Variants in CYFIP2 observed in about 807,000 individuals in gnomAD.
CYFIP2 encodes the protein cytoplasmic FMR1 interacting protein 2, also known as cytoplasmic FMR1-interacting protein 2.
A neutral mutation model predicts 158.7 loss-of-function variants in CYFIP2; 29 were observed. The ratio of observed to expected loss-of-function variants is 0.18; its 90% CI spans 0.14 to 0.25. CYFIP2 has a LOEUF of 0.25. Among genes scored for constraint, CYFIP2 ranks in the 10% least tolerant of loss-of-function variants. CYFIP2 has a pLI of 1.00. For synonymous variants in CYFIP2, 585 were observed against 617.6 expected (o/e 0.95, Z 0.78); for missense variants, 852 against 1,639.5 (o/e 0.52, Z 8.29).
chr5:157,356,874 C>T (rs569794689), intron 23 of CYFIP2, among the ~76,000 whole-genome samples: 15 of 152,090 alleles, frequency 9.9e-5, no homozygotes, highest in Non-Finnish European at 1.9e-4. Flanking sequence ...ATGGCCTGGC[C>T]CCACGGTTAG....
chr5:157,366,810 C>T (rs768121540), intron 26 of CYFIP2, among the ~76,000 whole-genome samples: 1 of 152,148 alleles, frequency 6.6e-6, no homozygotes, highest in Non-Finnish European at 1.5e-5. Context: ...CCTGGGAAAT[C>T]AGAAAGTGGT....
chr5:157,372,249 T>G (rs1260167724), intron 26 of CYFIP2, among the ~76,000 whole-genome samples: 1 of 152,214 alleles, frequency 6.6e-6, no homozygotes, highest in African/African-American at 2.4e-5. Context: ...ATCACAATTC[T>G]GAGGTTGCAC....
At chr5:157,270,412 T>C (rs1755994695) in intron 1 of CYFIP2, among the ~76,000 whole-genome samples, 1 of 152,172 alleles carries the variant, frequency 6.6e-6, no homozygotes, top group South Asian at 2.1e-4. Context: ...AGAAATAAAC[T>C]GGGGAAGAAT....
chr5:157,320,904 G>T (rs181799797), intron 15 of CYFIP2, 102 bp downstream of exon 15: 49 of 1,377,852 alleles, frequency 3.6e-5, no homozygotes, highest in Non-Finnish European at 4.2e-5. Context: ...GGGAGCCGTC[G>T]GTCAGGAGGG....
chr5:157,311,516 C>G lies in CYFIP2; in HGVS notation c.993-148C>G, dbSNP rs1466396497. 6.2e-6 allele frequency: 4 copies of G among 648,980 alleles called. No homozygotes were observed. Among genetic ancestry groups the G allele is most frequent in the Non-Finnish European group, 1.1e-5 (4 of 365,024 alleles). 40.2% of individuals were successfully genotyped at this position (648,980 alleles called of 1,614,324 possible). A position where few individuals can be genotyped will look rare whatever the true frequency, so the allele number is the denominator to read the frequency against. On this transcript the variant is annotated intron_variant, in intron 10 of 30. Transcript: ENST00000620254. This position sits in a 1 kb window ranked among gnomAD's most constrained non-coding sequence, Gnocchi z 4.7. ...GAAGCTCCCACAGTGTTGGACTTAG[C>G]AGGCTTTCTTGCTGAGGCGGCTGGG...
chr5:157,296,526 T>A, intron 4 of CYFIP2, 147 bp from the exon 5 acceptor site: 1 of 710,056 alleles, frequency 1.4e-6, no homozygotes, highest in Admixed American at 2.1e-5. Flanking sequence ...CCTGGGAGGT[T>A]GAGGTTTCAG....
chr5:157,319,503 T>C (rs1760419065), intron 13 of CYFIP2, among the ~76,000 whole-genome samples: 1 of 152,252 alleles, frequency 6.6e-6, no homozygotes, highest in Admixed American at 6.5e-5. Flanking sequence ...TGAAAATCAG[T>C]TGCATTGCGA....
At chr5:157,323,067 G>A (rs1371795503) in intron 15 of CYFIP2, 2 of 1,505,502 alleles carry the variant, frequency 1.3e-6, no homozygotes, top group Non-Finnish European at 8.9e-7. Context: ...CGAGGAGGCA[G>A]CAGGAATGGA....
chr5:157,342,843 G>C, intron 23 of CYFIP2: 1 of 1,595,294 alleles, frequency 6.3e-7, no homozygotes, highest in Non-Finnish European at 8.5e-7. Context: ...ACATGATGCG[G>C]GCGCTCTCCT....
rs1561708256 is a variant in CYFIP2, at chr5:157,304,360, C to A, written c.789C>A (p.Leu263=). Residue 263 remains leucine, a synonymous_variant, in exon 8 of 31, where the codon CTC becomes CTA. Transcript: ENST00000620254. ...MYLTPSEKHM[L]LKVMGFGLYL... ...TGACTCCCAGTGAGAAACATATGCT[C>A]CTCAAGGTAAAACTCCCCTGAGGCC... 1 of 1,613,388 alleles carries A rather than the reference C, an allele frequency of 6.2e-7. No individual in the cohort carries two copies. Among genetic ancestry groups the A allele is most frequent in the Admixed American group, 1.7e-5 (1 of 59,998 alleles).
At chr5:157,276,545 T>G (rs1756559173) in intron 1 of CYFIP2, among the ~76,000 whole-genome samples, 1 of 152,252 alleles carries the variant, frequency 6.6e-6, no homozygotes, top group African/African-American at 2.4e-5. Flanking sequence ...CACTAACTTT[T>G]ATCGAGCACT....
chr5:157,338,005 G>A (rs1002787473), intron 21 of CYFIP2, among the ~76,000 whole-genome samples: 4 of 152,208 alleles, frequency 2.6e-5, no homozygotes, highest in South Asian at 2.1e-4. Flanking sequence ...CCATTGTACC[G>A]ATCCTAAAAG....
chr5:157,377,034 T>C (rs977684020), intron 26 of CYFIP2: 3 of 375,532 alleles, frequency 8.0e-6, no homozygotes, highest in Non-Finnish European at 1.6e-5. Context: ...CGCCCTCAGG[T>C]CCAGTCATCA....
chr5:157,275,245 C>G (rs1032065349), intron 1 of CYFIP2, among the ~76,000 whole-genome samples: 1 of 151,966 alleles, frequency 6.6e-6, no homozygotes, highest in Non-Finnish European at 1.5e-5. Flanking sequence ...TTACATAATT[C>G]AAGGTCACAA....
intron 16 of CYFIP2, 100 bp downstream of exon 16, chr5:157,324,174 G>A (rs980883749): frequency 8.0e-5 from 109 of 1,370,028 alleles, no homozygotes; most frequent in Non-Finnish European, 9.9e-5. Context: ...GGACGTGACC[G>A]TTGACCCTAA....
At chr5:157,374,586 G>A (rs59237669) in intron 26 of CYFIP2, among the ~76,000 whole-genome samples, 52,218 of 151,986 alleles carry the variant, frequency 0.34, 10,066 homozygotes, top group East Asian at 0.85. Flanking sequence ...CATTGCAGGT[G>A]CTGGCATTTG....
chr5:157,308,685 T>C (rs376044418), intron 9 of CYFIP2, among the ~76,000 whole-genome samples: 3 of 152,312 alleles, frequency 2.0e-5, no homozygotes, highest in African/African-American at 7.2e-5. Flanking sequence ...AAAAGGAACA[T>C]AAGTCACTAA....
In CYFIP2 at chr5:157,300,761, A is replaced by G; in HGVS notation, c.434A>G (p.His145Arg). 3 of 1,612,618 alleles carry G rather than the reference A, an allele frequency of 1.9e-6. No homozygotes were observed. Among genetic ancestry groups the G allele is most frequent in the Non-Finnish European group, 2.5e-6 (3 of 1,179,054 alleles). ...RFCSEVKRLC[H>R]AERRKDFVSE... ...TGCAGCGAGGTGAAGCGGCTGTGCC[A>G]TGCCGAGCGCAGGAAGGACTTTGTC... is the stretch of plus-strand genomic sequence containing the variant. The change falls in exon 6 of 31, where the codon CAT becomes CGT. Residue 145 changes from histidine (H) to arginine (R), a missense_variant. By Grantham distance (29) the His-to-Arg change is conservative. This residue lies in a region of CYFIP2 where 123 missense variants were observed against 316.7 expected (regional missense o/e 0.39). Coordinates refer to ENST00000620254, the MANE Select transcript of CYFIP2 (RefSeq NM_001037333.3).
chr5:157,311,132 A>T lies in CYFIP2; in HGVS notation c.993-532A>T. ...GTGGGTGGAGGGAGGGGCCACCCCC[A>T]CGTCTCAGAGTGGCCCTGGCTTCTC... On this transcript the variant is annotated intron_variant, in intron 10 of 30. Transcript: ENST00000620254. The surrounding 1 kb of genome is among the most constrained non-coding windows in gnomAD (Gnocchi z 4.7). The T allele has an allele frequency of 2.2e-6, 1 of 453,716 alleles. No homozygotes were observed. The highest frequency in any genetic ancestry group is 1.6e-5 in the South Asian group (1 of 64,346). 28.1% of individuals were successfully genotyped at this position (453,716 alleles called of 1,614,324 possible). A position where few individuals can be genotyped will look rare whatever the true frequency, so the allele number is the denominator to read the frequency against.
Sources: allele counts gnomAD v4.1 joint callset (sites outside exome capture counted in the v4.1 genomes callset), GRCh38; gene constraint gnomAD v4.1.1; regional missense constraint gnomAD v4.1.1; non-coding constraint Gnocchi (gnomAD v3.1); transcripts MANE v1.5; gene names NCBI Gene and HGNC (gene_info 2026-07-23, HGNC 2026-07-21).